CDH15: variants seen among roughly 807,000 people sequenced by gnomAD.
CDH15 encodes cadherin-15.
CDH15 carries 73 observed loss-of-function variants against 69.4 expected under a neutral mutation model. That is an observed-to-expected ratio of 1.05 (90% CI 0.87 to 1.28). The LOEUF is 1.28. CDH15 is among the 50% of genes most tolerant of loss of function. The probability of loss-of-function intolerance (pLI) is 0.00; values close to 1 mark genes in which losing one functional copy is unlikely to be tolerated. For missense variants in CDH15, 1,343 were observed against 1,133.6 expected (o/e 1.18, Z -2.65); for synonymous variants, 624 against 507.7 (o/e 1.23, Z -3.08).
intron 1 of CDH15, among the ~76,000 whole-genome samples, chr16:89,177,108 C>G (rs982925310): frequency 1.4e-5 from 2 of 147,422 alleles, no homozygotes; most frequent in East Asian, 4.2e-4. Flanking sequence ...CCCACCCCAA[C>G]TCAGCATCTT....
rs1915323432 is a variant in CDH15, at chr16:89,179,345, G to A, written c.43-71G>A. On this transcript the variant is annotated intron_variant, in intron 1 of 13. Coordinates refer to ENST00000289746, the MANE Select transcript of CDH15 (RefSeq NM_004933.3). ...CCCCGTGGCCTCCTCACCACCCACAGCTCCCAGCTGCACGCTGCCGCCCAG... is the reference window on the plus strand; with the variant it reads ...CCCCGTGGCCTCCTCACCACCCACAACTCCCAGCTGCACGCTGCCGCCCAG... The A allele has an allele frequency of 3.2e-5, 51 of 1,581,006 alleles. No individual in the cohort carries two copies. In the South Asian group the frequency reaches 5.4e-4, roughly 17 times the overall value.
chr16:89,193,714 C>T (rs1258040562), intron 12 of CDH15, 41 bp from the exon 13 acceptor site: 5 of 1,590,930 alleles, frequency 3.1e-6, no homozygotes, highest in Non-Finnish European at 4.3e-6. Context: ...ACCAGGGCCA[C>T]CCGAGGGATG....
Position 89,192,242 on chromosome 16 carries a change from C to T in CDH15, c.1653C>T (p.Pro551=). The change falls in exon 11 of 14, where the codon CCC becomes CCT. Residue 551 remains proline, a synonymous_variant. Transcript: ENST00000289746. ...HARLRPRHQV[P]EGLHRLSLLL... is the part of the protein sequence containing the mutation. ...GCCTGCGGCCGCGACACCAGGTCCC[C>T]GAAGGCCTGCACCGCCTCAGCCTGC... is the stretch of plus-strand genomic sequence containing the variant. The T allele has an allele frequency of 2.6e-6, 4 of 1,529,842 alleles. No homozygotes were observed. The highest frequency in any genetic ancestry group is 3.5e-6 in the Non-Finnish European group (4 of 1,144,852). 94.8% of individuals were successfully genotyped at this position (1,529,842 alleles called of 1,614,324 possible).
At chr16:89,191,296 A>G in intron 8 of CDH15, 34 bp from the exon 9 acceptor site, 1 of 1,611,892 alleles carries the variant, frequency 6.2e-7, no homozygotes, top group South Asian at 1.1e-5. Context: ...CCTGGGGTAA[A>G]CTCAGATCCC....
chr16:89,180,974 C>CTTT (rs770080908), intron 3 of CDH15, among the ~76,000 whole-genome samples: 5 of 96,998 alleles, frequency 5.2e-5, no homozygotes, highest in Non-Finnish European at 5.8e-5. Context: ...CGCGCCCGAC[C>CTTT]TTTTTTTTTT....
rs1045996091 is a variant in CDH15, at chr16:89,192,363, G to A, written c.1774G>A (p.Ala592Thr). The change falls in exon 11 of 14, where the codon GCC (alanine) becomes ACC (threonine). Residue 592 changes from alanine (A) to threonine (T), a missense_variant. Physicochemically the swap from Ala to Thr is moderately conservative, Grantham distance 58. Transcript: ENST00000289746. ...CGKDGVCLPG[A>T]AALLAGGTGL... ...CAAGGACGGCGTCTGCCTGCCGGGG[G>A]CCGCAGCGCTGCTGGCGGGGGGCAC... 16 of 1,538,168 alleles carry A rather than the reference G, an allele frequency of 1.0e-5. No homozygotes were observed. Among genetic ancestry groups the A allele is most frequent in the Middle Eastern group, 1.9e-4 (1 of 5,296 alleles).
rs200200282 is a variant in CDH15 at position 89,194,911 on chromosome 16, C to A, written c.2201C>A (p.Ala734Asp). 1 of 1,608,024 alleles carries A rather than the reference C, an allele frequency of 6.2e-7. No homozygotes were observed. Among genetic ancestry groups the A allele is most frequent in the Admixed American group, 1.7e-5 (1 of 59,572 alleles). ...CCCAGTGTGCCGCCTTACGACACAG[C>A]CCTCATCTATGACTACGAGGGTGAC... ...SDPSVPPYDT[A>D]LIYDYEGDGS... Residue 734 changes from alanine to aspartate, a missense_variant, in exon 14 of 14, where the codon GCC becomes GAC. Coordinates refer to ENST00000289746, the MANE Select transcript of CDH15 (RefSeq NM_004933.3).
chr16:89,188,003 G>A, intron 6 of CDH15, 97 bp from the exon 7 acceptor site: 13 of 1,033,038 alleles, frequency 1.3e-5, no homozygotes, highest in Non-Finnish European at 1.9e-5. Flanking sequence ...AGGCAGGAGG[G>A]AGGGTGGGAG....
In CDH15 at chr16:89,193,846, G is replaced by A. The variant is rs1915718095; in HGVS notation, c.2084G>A (p.Arg695His). 6 of 1,611,388 alleles carry A rather than the reference G, an allele frequency of 3.7e-6. No homozygotes were observed. The highest frequency in any genetic ancestry group is 2.2e-5 in the East Asian group (1 of 44,850). ...PPLRRDAPQG[R>H]LHPQPPRVLP... ...CTTCGCAGAGATGCCCCGCAGGGCC[G>A]CCTGCACCCCCAGCCACCCCGAGTG... Residue 695 changes from arginine to histidine, a missense_variant, in exon 13 of 14, where the codon CGC (arginine) becomes CAC (histidine). Coordinates refer to ENST00000289746, the MANE Select transcript of CDH15 (RefSeq NM_004933.3).
rs1023205968 is a variant in CDH15 at position 89,183,350 on chromosome 16, T to C, written c.358-198T>C. The C allele has an allele frequency of 3.7e-5, 23 of 613,868 alleles. No individual in the cohort carries two copies. The African/African-American group carries it at 4.2e-4, about 11-fold the overall frequency. 38.0% of individuals were successfully genotyped at this position (613,868 alleles called of 1,614,324 possible). A position where few individuals can be genotyped will look rare whatever the true frequency, so the allele number is the denominator to read the frequency against. On this transcript the variant is annotated intron_variant, in intron 3 of 13. Transcript: ENST00000289746. ...GGAAAGTGGCACCTGCCCTGTCTGC[T>C]AAGGGAAGGTGGCTCCCGTTCAGGG...
rs1268032559 is a variant in CDH15 at position 89,191,426 on chromosome 16, C to T, written c.1329C>T (p.Phe443=). The T allele has an allele frequency of 3.1e-6, 5 of 1,612,768 alleles. No individual in the cohort carries two copies. In the South Asian group the frequency reaches 5.5e-5, roughly 18 times the overall value. The stretch of plus-strand genomic sequence containing the variant: ...ACGTGCTCAGCCCGGCGTCCCCCTT[C>T]CTCAAGGGCGGCTGGTACAGAGCCA... The part of the protein sequence containing the change: ...TQHVLSPASP[F]LKGGWYRAIV... Residue 443 remains phenylalanine, a synonymous_variant, in exon 9 of 14, where the codon TTC becomes TTT. Transcript: ENST00000289746.
intron 13 of CDH15, among the ~76,000 whole-genome samples, chr16:89,194,237 G>A (rs1915736849): frequency 6.6e-6 from 1 of 152,186 alleles, no homozygotes; most frequent in Non-Finnish European, 1.5e-5. Context: ...TTCGGTGGCT[G>A]TCAGCGGAAT....
At chr16:89,193,963 C>CACACACATGCACATGT (rs1366127955) in intron 13 of CDH15, 50 bp downstream of exon 13, 1 of 1,573,042 alleles carries the variant, frequency 6.4e-7, no homozygotes, top group African/African-American at 1.3e-5. Flanking sequence ...CACAGGTGCA[C>CACACACATGCACATGT]ACACACATGC....
chr16:89,187,223 T>A (rs1915510566), intron 5 of CDH15, among the ~76,000 whole-genome samples: 1 of 152,270 alleles, frequency 6.6e-6, no homozygotes, highest in South Asian at 2.1e-4. Context: ...TGTAAATGCT[T>A]ATCCAGTGCC....
chr16:89,192,465 C>A, intron 11 of CDH15, 21 bp downstream of exon 11: 1 of 1,563,652 alleles, frequency 6.4e-7, no homozygotes, highest in Non-Finnish European at 8.6e-7. Context: ...GCCCCGCCTC[C>A]ACCTGGACCC....
At chr16:89,175,469 C>T (rs966546565) in intron 1 of CDH15, among the ~76,000 whole-genome samples, 1 of 152,238 alleles carries the variant, frequency 6.6e-6, no homozygotes, top group Non-Finnish European at 1.5e-5. Flanking sequence ...GTCTGTGTGG[C>T]TTTGAGCAAA....
intron 1 of CDH15, among the ~76,000 whole-genome samples, chr16:89,177,957 T>C (rs930796600): frequency 2.6e-5 from 4 of 151,970 alleles, no homozygotes; most frequent in African/African-American, 9.7e-5. Flanking sequence ...TCTCTAAGCT[T>C]CCCTTTGACC....
Position 89,190,232 on chromosome 16 carries a change from C to T in CDH15, c.979-11C>T. ...GTTGGGCGGATGACGGGCTGTGCTT[C>T]CTTCCCTCAGGCCCTGGACTATGAG... On this transcript the variant is annotated splice_polypyrimidine_tract_variant and intron_variant, in intron 7 of 13. Coordinates refer to ENST00000289746, the MANE Select transcript of CDH15 (RefSeq NM_004933.3). 6.2e-7 allele frequency: 1 copy of T among 1,611,060 alleles called. No individual in the cohort carries two copies.
chr16:89,179,474 G>A lies in CDH15; in HGVS notation c.101G>A (p.Trp34Ter). The change falls in exon 2 of 14, where the codon TGG becomes TAG. Residue 34 changes from tryptophan to a stop codon, truncating the protein, a stop_gained. Transcript: ENST00000289746. LOFTEE classifies it high-confidence loss of function. ...AGGAGGCCCACCACCCTGTACCCCT[G>A]GCGCCGGGCGCCTGCCCTGAGCCGC... ...GWRRPTTLYPWRRAPALSRVR... is the reference protein window; with the variant it reads ...GWRRPTTLYP The A allele has an allele frequency of 6.2e-7, 1 of 1,613,514 alleles. No homozygotes were observed. Among genetic ancestry groups the A allele is most frequent in the Non-Finnish European group, 8.5e-7 (1 of 1,179,900 alleles).
Sources: allele counts gnomAD v4.1 joint callset (sites outside exome capture counted in the v4.1 genomes callset), GRCh38; gene constraint gnomAD v4.1.1; transcripts MANE v1.5; gene names NCBI Gene and HGNC (gene_info 2026-07-23, HGNC 2026-07-21).